PPP3CA: variants seen among roughly 807,000 people sequenced by gnomAD.
PPP3CA encodes the protein CAM-PRP catalytic subunit.
PPP3CA carries 14 observed loss-of-function variants against 66.5 expected under a neutral mutation model. That is an observed-to-expected ratio of 0.21 (90% CI 0.14 to 0.33). The LOEUF is 0.33. Ranked by LOEUF, PPP3CA falls within the 10% of genes least tolerant of loss-of-function variation. PPP3CA has a pLI of 1.00. For missense variants in PPP3CA, 317 were observed against 639.5 expected (o/e 0.50, Z 5.44); for synonymous variants, 232 against 226.2 (o/e 1.03, Z -0.23).
chr4:101,243,791 T>G lies in PPP3CA; in HGVS notation c.59-47675A>C, dbSNP rs116310213. ...CAGGAGTTAAACATCTCAGTTCAAATCCCAGTTCTTCTCTACATGCCTGTG... is the reference window on the plus strand; with the variant it reads ...CAGGAGTTAAACATCTCAGTTCAAAGCCCAGTTCTTCTCTACATGCCTGTG... On this transcript the variant is annotated intron_variant, in intron 1 of 13. Coordinates refer to ENST00000394854, the MANE Select transcript of PPP3CA (RefSeq NM_000944.5). Among the ~76,000 whole-genome samples, 631 of 152,286 alleles carry G rather than the reference T, an allele frequency of 4.1e-3. 4 individuals are homozygous for G. The highest frequency in any genetic ancestry group is 0.014 in the African/African-American group (602 of 41,570).
At chr4:101,281,944 A>C (rs905736144) in intron 1 of PPP3CA, among the ~76,000 whole-genome samples, 1 of 152,182 alleles carries the variant, frequency 6.6e-6, no homozygotes, top group Non-Finnish European at 1.5e-5. Context: ...TTCAACATAC[A>C]TTCAGTTAGA....
chr4:101,119,395 C>T (rs1251481848), intron 2 of PPP3CA, among the ~76,000 whole-genome samples: 1 of 151,950 alleles, frequency 6.6e-6, no homozygotes, highest in East Asian at 1.9e-4. Flanking sequence ...AGCTCATTTA[C>T]AAGACCACTG....
At chr4:101,143,093 C>T (rs1722861653) in intron 2 of PPP3CA, among the ~76,000 whole-genome samples, 1 of 152,174 alleles carries the variant, frequency 6.6e-6, no homozygotes, top group Non-Finnish European at 1.5e-5. Context: ...TTAATTTCTA[C>T]CACACAAGTA....
At chr4:101,322,451 C>T (rs964848825) in intron 1 of PPP3CA, among the ~76,000 whole-genome samples, 1 of 150,324 alleles carries the variant, frequency 6.7e-6, no homozygotes, top group African/African-American at 2.5e-5. Flanking sequence ...CACTCTGTCA[C>T]CCAGGCTGGA....
chr4:101,278,002 G>A (rs1028862717), intron 1 of PPP3CA, among the ~76,000 whole-genome samples: 2 of 151,454 alleles, frequency 1.3e-5, no homozygotes, highest in African/African-American at 4.9e-5. Flanking sequence ...AACCAGATAT[G>A]TTTTTCCCAG....
Position 101,091,870 on chromosome 4 carries a change from AGAG to A in PPP3CA, c.782+1903_782+1905del, listed in dbSNP as rs71901007. Among the ~76,000 whole-genome samples, 630 of 144,124 alleles carry A rather than the reference AGAG, an allele frequency of 4.4e-3. 2 individuals carry two copies. Among genetic ancestry groups the A allele is most frequent in the Non-Finnish European group, 6.8e-3 (451 of 66,488 alleles). 94.6% of individuals were successfully genotyped at this position (144,124 alleles called of 152,430 possible). A position where few individuals can be genotyped will look rare whatever the true frequency, so the allele number is the denominator to read the frequency against. ...ATAATAATAATAATAATAATGAAGA[AGAG>A]GAGGAGGAGGAGGAGGAAGGAGGAG... is the stretch of plus-strand genomic sequence containing the variant. On this transcript the variant is annotated intron_variant, in intron 6 of 13. Transcript: ENST00000394854.
At chr4:101,282,986 AAG>A (rs1479205320) in intron 1 of PPP3CA, among the ~76,000 whole-genome samples, 1 of 152,146 alleles carries the variant, frequency 6.6e-6, no homozygotes, top group Non-Finnish European at 1.5e-5. Flanking sequence ...ATTAAATAAT[AAG>A]AGTTAATTTT....
chr4:101,327,254 G>A (rs1273866047), intron 1 of PPP3CA, among the ~76,000 whole-genome samples: 1 of 152,130 alleles, frequency 6.6e-6, no homozygotes, highest in East Asian at 1.9e-4. Flanking sequence ...ATCAAATATT[G>A]TGACTGAACC....
intron 8 of PPP3CA, among the ~76,000 whole-genome samples, chr4:101,068,650 T>A (rs1477560146): frequency 2.0e-5 from 3 of 152,150 alleles, no homozygotes; most frequent in Non-Finnish European, 4.4e-5. Context: ...GAACACAGTC[T>A]CTACAATTCC....
intron 8 of PPP3CA, among the ~76,000 whole-genome samples, chr4:101,075,085 A>C (rs1003112284): frequency 6.6e-6 from 1 of 152,172 alleles, no homozygotes; most frequent in African/African-American, 2.4e-5. Context: ...ACTCACTACT[A>C]TGAGAACAGT....
At chr4:101,121,340 ACTT>A (rs771248998) in intron 2 of PPP3CA, among the ~76,000 whole-genome samples, 3 of 152,086 alleles carry the variant, frequency 2.0e-5, no homozygotes, top group Non-Finnish European at 2.9e-5. Context: ...TATAAACATT[ACTT>A]CATTAAATTT....
intron 2 of PPP3CA, among the ~76,000 whole-genome samples, chr4:101,160,999 C>T (rs1224176243): frequency 6.6e-6 from 1 of 152,080 alleles, no homozygotes; most frequent in African/African-American, 2.4e-5. Context: ...TGGCCAAGGA[C>T]ATGCTGCCTA....
intron 1 of PPP3CA, among the ~76,000 whole-genome samples, chr4:101,305,617 G>T (rs1009617090): frequency 6.6e-6 from 1 of 152,120 alleles, no homozygotes; most frequent in Non-Finnish European, 1.5e-5. Context: ...GAGGAAAAAT[G>T]ACTATCACCA....
chr4:101,220,134 A>G (rs1725577381), intron 1 of PPP3CA, among the ~76,000 whole-genome samples: 1 of 151,798 alleles, frequency 6.6e-6, no homozygotes, highest in Non-Finnish European at 1.5e-5. Flanking sequence ...TAGTTGTTAC[A>G]ATACATACGA....
At chr4:101,205,491 A>C (rs1377753237) in intron 1 of PPP3CA, among the ~76,000 whole-genome samples, 1 of 152,178 alleles carries the variant, frequency 6.6e-6, no homozygotes, top group Non-Finnish European at 1.5e-5. Flanking sequence ...TAAATTTTAG[A>C]AACCTTTGTA....
At chr4:101,183,983 C>T (rs1199899568) in intron 2 of PPP3CA, among the ~76,000 whole-genome samples, 1 of 152,116 alleles carries the variant, frequency 6.6e-6, no homozygotes, top group African/African-American at 2.4e-5. Context: ...ATAGTGCATA[C>T]ATTCTACAGG....
chr4:101,229,442 A>G (rs1409731663), intron 1 of PPP3CA, among the ~76,000 whole-genome samples: 2 of 151,738 alleles, frequency 1.3e-5, no homozygotes, highest in African/African-American at 4.8e-5. Context: ...TACCAAGTAT[A>G]TAAGAATCAG....
At chr4:101,242,414 C>T (rs987130149) in intron 1 of PPP3CA, among the ~76,000 whole-genome samples, 3 of 151,814 alleles carry the variant, frequency 2.0e-5, no homozygotes, top group African/African-American at 7.3e-5. Flanking sequence ...AGCTATTAGT[C>T]AAATACACAA....
chr4:101,294,880 A>C (rs1483221851), intron 1 of PPP3CA, among the ~76,000 whole-genome samples: 1 of 152,170 alleles, frequency 6.6e-6, no homozygotes, highest in African/African-American at 2.4e-5. Flanking sequence ...AAAAAAAATT[A>C]AAATAATTTA....
Sources: allele counts gnomAD v4.1 joint callset (sites outside exome capture counted in the v4.1 genomes callset), GRCh38; gene constraint gnomAD v4.1.1; transcripts MANE v1.5; gene names NCBI Gene and HGNC (gene_info 2026-07-23, HGNC 2026-07-21).